Variants in CNTNAP4 observed in about 807,000 individuals in gnomAD.
CNTNAP4 encodes the protein contactin associated protein family member 4.
In CNTNAP4, 98 loss-of-function variants were observed where a neutral mutation model predicts 148.4. That is an observed-to-expected ratio of 0.66 (90% confidence interval 0.56 to 0.78). The LOEUF (loss-of-function observed/expected upper bound fraction) is 0.78, where lower values mean the gene tolerates loss of function less well. CNTNAP4 is among the 30% of genes least tolerant of loss of function. CNTNAP4 has a pLI of 0.00. For synonymous variants in CNTNAP4, 730 were observed against 565.1 expected (o/e 1.29, Z -4.14); for missense variants, 1,935 against 1,565.6 (o/e 1.24, Z -3.98).
chr16:76,449,002 T>A lies in CNTNAP4; in HGVS notation c.927+51T>A, dbSNP rs1032038341. On this transcript the variant is annotated intron_variant, in intron 6 of 23. Coordinates refer to ENST00000611870, the MANE Select transcript of CNTNAP4 (RefSeq NM_033401.5). ...GCTGATTTTATTATGTATATGTGGT[T>A]TAATCTCCCAGAGGAAAATACACTA... The A allele has an allele frequency of 2.0e-6, 3 of 1,527,780 alleles. No homozygotes were observed. The African/African-American group carries it at 4.1e-5, about 21-fold the overall frequency. 94.6% of individuals were successfully genotyped at this position (1,527,780 alleles called of 1,614,324 possible).
rs1349207466 is a variant in CNTNAP4 at position 76,559,055 on chromosome 16, CTTTA to C, written c.*376_*379del. The C allele has an allele frequency of 1.3e-5, 2 of 155,082 alleles. No homozygotes were observed. Among genetic ancestry groups the C allele is most frequent in the African/African-American group, 4.8e-5 (2 of 41,562 alleles). The allele number at this position is 155,082 out of a possible 1,614,324, so 9.6% of individuals were successfully genotyped here. On this transcript the variant is annotated 3_prime_UTR_variant, in exon 24 of 24. Transcript: ENST00000611870. ...TTAAATTTGGACTATAATGTCCTTG[CTTTA>C]TTTGAGAACATTTGCTGTGTTTGCT...
intron 11 of CNTNAP4, among the ~76,000 whole-genome samples, chr16:76,477,260 T>TGTTA (rs2081619006): frequency 6.6e-6 from 1 of 152,152 alleles, no homozygotes; most frequent in Admixed American, 6.5e-5. Context: ...GTAAGGCCCA[T>TGTTA]GTTATTTCAT....
intron 1 of CNTNAP4, among the ~76,000 whole-genome samples, chr16:76,293,466 T>C (rs1959172985): frequency 6.6e-6 from 1 of 152,228 alleles, no homozygotes; most frequent in Non-Finnish European, 1.5e-5. Flanking sequence ...ATTTATGAGC[T>C]GTTTTCTAGT....
At chr16:76,288,529 A>G (rs1454563573) in intron 1 of CNTNAP4, among the ~76,000 whole-genome samples, 2 of 152,164 alleles carry the variant, frequency 1.3e-5, no homozygotes, top group African/African-American at 2.4e-5. Context: ...TCCTTTGTCC[A>G]TGGAGTCTCA....
At chr16:76,543,016 A>G (rs1402296551) in intron 21 of CNTNAP4, among the ~76,000 whole-genome samples, 1 of 152,216 alleles carries the variant, frequency 6.6e-6, no homozygotes, top group Non-Finnish European at 1.5e-5. Flanking sequence ...ATAAGTCCTC[A>G]TTTCCCTTTT....
At position 76,277,467 on chromosome 16, in the gene CNTNAP4, GGAGA is replaced by G; in HGVS notation, c.-188_-185del. On this transcript the variant is annotated 5_prime_UTR_variant, in exon 1 of 24. Coordinates refer to ENST00000611870, the MANE Select transcript of CNTNAP4 (RefSeq NM_033401.5). ...AGAGAAAAGAGAGAGACAGAGACGG[GGAGA>G]GAGAGAGGGAGAGAGAAGAGAGGGA... 1.8e-6 allele frequency: 1 copy of G among 565,016 alleles called. No homozygotes were observed. Among genetic ancestry groups the G allele is most frequent in the Non-Finnish European group, 3.1e-6 (1 of 317,974 alleles). The allele number at this position is 565,016 out of a possible 1,614,324, so 35.0% of individuals were successfully genotyped here. A position where few individuals can be genotyped will look rare whatever the true frequency, so the allele number is the denominator to read the frequency against.
chr16:76,314,473 G>T (rs997035746), intron 1 of CNTNAP4, among the ~76,000 whole-genome samples: 18 of 152,164 alleles, frequency 1.2e-4, no homozygotes, highest in Non-Finnish European at 4.4e-5. Context: ...ATATGTATAG[G>T]ATTAGAAAAG....
chr16:76,413,886 G>T (rs2078888090), intron 3 of CNTNAP4, among the ~76,000 whole-genome samples: 1 of 150,942 alleles, frequency 6.6e-6, no homozygotes, highest in Non-Finnish European at 1.5e-5. Flanking sequence ...ACTTTCTGTT[G>T]CTTTTGTATA....
intron 6 of CNTNAP4, 139 bp from the exon 7 acceptor site, chr16:76,449,576 T>C (rs1158968309): frequency 1.6e-6 from 1 of 639,972 alleles, no homozygotes; most frequent in Non-Finnish European, 2.4e-6. Context: ...GTTTTAAATC[T>C]ATATCTTAAT....
intron 1 of CNTNAP4, among the ~76,000 whole-genome samples, chr16:76,295,136 G>A (rs1157912433): frequency 6.6e-6 from 1 of 152,060 alleles, no homozygotes; most frequent in Non-Finnish European, 1.5e-5. Context: ...TATTTGGAGT[G>A]GTCACAGGCA....
chr16:76,331,079 A>C (rs936371632), intron 2 of CNTNAP4, among the ~76,000 whole-genome samples: 3 of 152,242 alleles, frequency 2.0e-5, no homozygotes, highest in African/African-American at 7.2e-5. Context: ...TTGTGAAATC[A>C]CTATATTCAT....
At chr16:76,310,707 C>T (rs1389567425) in intron 1 of CNTNAP4, among the ~76,000 whole-genome samples, 1 of 152,110 alleles carries the variant, frequency 6.6e-6, no homozygotes, top group African/African-American at 2.4e-5. Context: ...CATTAGCAGG[C>T]ATGCAACTAA....
intron 3 of CNTNAP4, among the ~76,000 whole-genome samples, chr16:76,364,275 A>G (rs77212483): frequency 0.018 from 2,645 of 150,740 alleles, 69 homozygotes; most frequent in African/African-American, 0.062. Context: ...AAGAAAAAAT[A>G]TATGAACTCT....
intron 4 of CNTNAP4, among the ~76,000 whole-genome samples, chr16:76,440,848 G>T (rs956580827): frequency 6.6e-6 from 1 of 152,112 alleles, no homozygotes. Flanking sequence ...TTGGGGGTGA[G>T]GAGGACATTG....
At chr16:76,327,612 A>G (rs1963121912) in intron 2 of CNTNAP4, among the ~76,000 whole-genome samples, 1 of 152,140 alleles carries the variant, frequency 6.6e-6, no homozygotes, top group South Asian at 2.1e-4. Flanking sequence ...ATAGGGTCTC[A>G]TCTAGGGCTG....
intron 3 of CNTNAP4, among the ~76,000 whole-genome samples, chr16:76,389,227 G>T (rs1223641260): frequency 2.0e-5 from 3 of 152,108 alleles, no homozygotes; most frequent in Admixed American, 1.3e-4. Flanking sequence ...AATGCAAATG[G>T]TTCCATTTGT....
chr16:76,332,240 T>A lies in CNTNAP4; in HGVS notation c.196+15717T>A, dbSNP rs151078564. Among the ~76,000 whole-genome samples, 186 of 152,238 alleles carry A rather than the reference T, an allele frequency of 1.2e-3. 1 individual carries two copies. The highest frequency in any genetic ancestry group is 4.4e-3 in the African/African-American group (183 of 41,538). On this transcript the variant is annotated intron_variant, in intron 2 of 23. Coordinates refer to ENST00000611870, the MANE Select transcript of CNTNAP4 (RefSeq NM_033401.5). ...TGGATGTGGTGATTCATGTCTTTTA[T>A]CAAATTTGGAAAGTTTGGGGCCAAT... is the stretch of plus-strand genomic sequence containing the variant.
chr16:76,482,742 C>T (rs2081881486), intron 12 of CNTNAP4, among the ~76,000 whole-genome samples: 1 of 152,180 alleles, frequency 6.6e-6, no homozygotes. Context: ...CTCAATGAAG[C>T]TCTCCCGCCT....
chr16:76,369,205 A>G (rs2014513708), intron 3 of CNTNAP4, among the ~76,000 whole-genome samples: 1 of 152,154 alleles, frequency 6.6e-6, no homozygotes, highest in Admixed American at 6.6e-5. Context: ...TTTAGACATT[A>G]TTTTCCAATG....
Sources: gnomAD v4.1 joint callset for allele counts (sites outside exome capture counted in the v4.1 genomes callset) on GRCh38, gnomAD v4.1.1 for gene constraint, MANE v1.5 for transcripts, NCBI Gene and HGNC (gene_info 2026-07-23, HGNC 2026-07-21) for gene names.